Variants in SERPINB13 observed in about 807,000 individuals in gnomAD.
SERPINB13 encodes the protein serpin family B member 13.
In SERPINB13, 26 loss-of-function variants were observed where a neutral mutation model predicts 31.2. The observed-to-expected ratio is 0.83, with a 90% CI of 0.61 to 1.15. The LOEUF (loss-of-function observed/expected upper bound fraction) is 1.15, where lower values mean the gene tolerates loss of function less well. Among genes scored for constraint, SERPINB13 ranks in the 50% most tolerant of loss-of-function variants. The probability of loss-of-function intolerance (pLI) is 0.00; values close to 1 mark genes in which losing one functional copy is unlikely to be tolerated. For synonymous variants in SERPINB13, 191 were observed against 172.4 expected (o/e 1.11, Z -0.85); for missense variants, 510 against 469.4 (o/e 1.09, Z -0.80).
At chr18:63,593,312 G>C (rs1161784166) in intron 5 of SERPINB13, among the ~76,000 whole-genome samples, 1 of 152,136 alleles carries the variant, frequency 6.6e-6, no homozygotes, top group Non-Finnish European at 1.5e-5. Context: ...CAATATCTTG[G>C]GGGTCCTGAA....
chr18:63,595,716 G>A (rs925859403), intron 7 of SERPINB13, among the ~76,000 whole-genome samples: 2 of 151,920 alleles, frequency 1.3e-5, no homozygotes, highest in African/African-American at 4.8e-5. Flanking sequence ...TGGCTAACAC[G>A]GTGAAACCCC....
chr18:63,593,995 C>A (rs1912004911), intron 5 of SERPINB13: 4 of 497,976 alleles, frequency 8.0e-6, no homozygotes, highest in South Asian at 1.5e-5. Flanking sequence ...TTCAACAACC[C>A]TATGAGGCAG....
rs1237526867 is a variant in SERPINB13, at chr18:63,594,613, G to T, written c.615+116G>T. 14 of 1,085,532 alleles carry T rather than the reference G, an allele frequency of 1.3e-5. No individual in the cohort carries two copies. The South Asian group carries it at 2.0e-4, about 15-fold the overall frequency. 67.2% of individuals were successfully genotyped at this position (1,085,532 alleles called of 1,614,324 possible). ...CCCAGCACTTTGGGAGGCCAAGGTGGGTGGATCATGAGATCAAGGGATCGA... is the reference window on the plus strand; with the variant it reads ...CCCAGCACTTTGGGAGGCCAAGGTGTGTGGATCATGAGATCAAGGGATCGA... On this transcript the variant is annotated intron_variant, in intron 6 of 7. Transcript: ENST00000344731.
chr18:63,590,144 G>T (rs969255359), intron 3 of SERPINB13: 11 of 156,436 alleles, frequency 7.0e-5, no homozygotes, highest in African/African-American at 2.6e-4. Context: ...TGAGCCAGTG[G>T]TGGTGGTGGT....
At chr18:63,589,602 G>C (rs1430246036) in intron 2 of SERPINB13, 54 bp from the exon 3 acceptor site, 1 of 1,593,836 alleles carries the variant, frequency 6.3e-7, no homozygotes. Flanking sequence ...GACTGATTCT[G>C]TGTGAGGTTT....
intron 5 of SERPINB13, among the ~76,000 whole-genome samples, chr18:63,593,732 G>A (rs1315396272): frequency 1.3e-5 from 2 of 151,654 alleles, no homozygotes; most frequent in African/African-American, 4.9e-5. Flanking sequence ...CTCATGCTTG[G>A]TCTGAAGAAA....
chr18:63,593,331 G>A (rs1338769472), intron 5 of SERPINB13, among the ~76,000 whole-genome samples: 1 of 152,166 alleles, frequency 6.6e-6, no homozygotes, highest in Non-Finnish European at 1.5e-5. Flanking sequence ...AAAATAGGAT[G>A]ATGCCTGTCT....
intron 1 of SERPINB13, 87 bp downstream of exon 1, chr18:63,587,537 C>T (rs937373536): frequency 4.5e-6 from 2 of 443,638 alleles, no homozygotes; most frequent in Non-Finnish European, 9.3e-6. Flanking sequence ...TTTTATTTTG[C>T]ATAGACTTTC....
chr18:63,593,259 G>A (rs1168907127), intron 5 of SERPINB13, among the ~76,000 whole-genome samples: 2 of 152,140 alleles, frequency 1.3e-5, no homozygotes, highest in Non-Finnish European at 2.9e-5. Context: ...CCAAATGCAC[G>A]GAAACGCTTG....
At position 63,597,045 on chromosome 18, in the gene SERPINB13, C is replaced by G. The variant is rs755773362; in HGVS notation, c.858C>G (p.Pro286=). The G allele has an allele frequency of 1.2e-6, 2 of 1,614,078 alleles. No homozygotes were observed. Among genetic ancestry groups the G allele is most frequent in the Non-Finnish European group, 1.7e-6 (2 of 1,180,014 alleles). The change falls in exon 8 of 8, where the codon CCC becomes CCG. Residue 286 remains proline (P), a synonymous_variant. Transcript: ENST00000344731. ...MEERKVNLHL[P]RFEVEDGYDL... ...AAAGAAAGGTGAATCTGCACTTGCC[C>G]CGGTTTGAGGTGGAGGACGGTTACG...
At chr18:63,591,936 A>C (rs931104803) in intron 3 of SERPINB13, among the ~76,000 whole-genome samples, 6 of 152,100 alleles carry the variant, frequency 3.9e-5, no homozygotes, top group Non-Finnish European at 5.9e-5. Flanking sequence ...CACTCTTCTT[A>C]TTCACTATCT....
intron 4 of SERPINB13, 85 bp downstream of exon 4, chr18:63,592,561 T>A: frequency 1.4e-6 from 2 of 1,388,696 alleles, no homozygotes; most frequent in Non-Finnish European, 2.0e-6. Context: ...CCTGAAGTCG[T>A]GCTGCCTGGC....
chr18:63,595,432 C>G (rs758752009), intron 7 of SERPINB13, among the ~76,000 whole-genome samples: 1 of 152,172 alleles, frequency 6.6e-6, no homozygotes, highest in South Asian at 2.1e-4. Context: ...CTAACGATCA[C>G]CCACCATTCT....
In SERPINB13 at chr18:63,592,846, T is replaced by A; in HGVS notation, c.355-8T>A. On this transcript the variant is annotated splice_polypyrimidine_tract_variant and splice_region_variant and intron_variant, in intron 4 of 7. Coordinates refer to ENST00000344731, the MANE Select transcript of SERPINB13 (RefSeq NM_012397.4). ...CCTCTTTTTATTCCTTCCTTGTTTC[T>A]CCTAAAGAAATACTTAGATTATGTT... 1.3e-6 allele frequency: 2 copies of A among 1,515,182 alleles called. No homozygotes were observed. The highest frequency in any genetic ancestry group is 1.8e-6 in the Non-Finnish European group (2 of 1,105,296). 93.9% of individuals were successfully genotyped at this position (1,515,182 alleles called of 1,614,324 possible).
intron 3 of SERPINB13, among the ~76,000 whole-genome samples, chr18:63,590,755 A>G (rs1911803805): frequency 1.3e-5 from 2 of 152,222 alleles, no homozygotes; most frequent in Admixed American, 1.3e-4. Context: ...GGCAAAGCTT[A>G]CACATACATG....
chr18:63,593,532 G>C (rs1239351949), intron 5 of SERPINB13, among the ~76,000 whole-genome samples: 1 of 152,142 alleles, frequency 6.6e-6, no homozygotes, highest in Non-Finnish European at 1.5e-5. Flanking sequence ...CCACAGCAGA[G>C]GATTTGACAA....
rs1450618346 is a variant in SERPINB13 at position 63,587,414 on chromosome 18, C to T, written c.-54C>T. 10 of 470,894 alleles carry T rather than the reference C, an allele frequency of 2.1e-5. No homozygotes were observed. Among genetic ancestry groups the T allele is most frequent in the Admixed American group, 9.4e-5 (4 of 42,540 alleles). 29.2% of individuals were successfully genotyped at this position (470,894 alleles called of 1,614,324 possible). A position where few individuals can be genotyped will look rare whatever the true frequency, so the allele number is the denominator to read the frequency against. On this transcript the variant is annotated 5_prime_UTR_variant, in exon 1 of 8. Transcript: ENST00000344731. ...CTTAATTGACTTATGCTTCCTAGTT[C>T]GTTGCCCAGCCACCACCGTCTCTCC...
intron 5 of SERPINB13, 48 bp downstream of exon 5, chr18:63,593,019 A>G (rs773083905): frequency 8.1e-7 from 1 of 1,229,692 alleles, no homozygotes; most frequent in Non-Finnish European, 1.2e-6. Context: ...AAACAAAGAA[A>G]CAAACAAACA....
chr18:63,591,548 T>C (rs1202518866), intron 3 of SERPINB13, among the ~76,000 whole-genome samples: 2 of 152,084 alleles, frequency 1.3e-5, no homozygotes, highest in African/African-American at 4.8e-5. Flanking sequence ...AGTCCCAAGC[T>C]ATCCAGTATA....
Sources: gnomAD v4.1 joint callset for allele counts (sites outside exome capture counted in the v4.1 genomes callset) on GRCh38, gnomAD v4.1.1 for gene constraint, MANE v1.5 for transcripts, NCBI Gene and HGNC (gene_info 2026-07-23, HGNC 2026-07-21) for gene names.